ESRRG: variants seen among roughly 807,000 people sequenced by gnomAD.
The protein encoded by ESRRG is estrogen-related receptor gamma.
In ESRRG, 13 loss-of-function variants were observed where a neutral mutation model predicts 44.0. The ratio of observed to expected loss-of-function variants is 0.30; its 90% CI spans 0.19 to 0.47. ESRRG has a LOEUF of 0.47. Among genes scored for constraint, ESRRG ranks in the 20% least tolerant of loss-of-function variants. The probability of loss-of-function intolerance (pLI) is 1.00; values close to 1 mark genes in which losing one functional copy is unlikely to be tolerated. For synonymous variants in ESRRG, 215 were observed against 214.6 expected, an observed-to-expected ratio of 1.00 and a Z score of -0.02; for missense variants, 395 against 580.6, an observed-to-expected ratio of 0.68 and a Z score of 3.29.
intron 1 of ESRRG, among the ~76,000 whole-genome samples, chr1:217,002,210 G>T (rs184539899): frequency 1.3e-5 from 2 of 150,612 alleles, no homozygotes; most frequent in Non-Finnish European, 2.9e-5. Context: ...GCTGAGCCAC[G>T]AGAATCTCTT....
chr1:217,051,209 G>C lies in ESRRG; in HGVS notation c.-106+38298C>G, dbSNP rs12078538. Among the ~76,000 whole-genome samples the C allele has an allele frequency of 1.5e-4, 19 of 126,848 alleles. 4 individuals carry two copies. Among genetic ancestry groups the C allele is most frequent in the East Asian group, 1.2e-3 (4 of 3,348 alleles). The allele number at this position is 126,848 out of a possible 152,430, so 83.2% of individuals were successfully genotyped here. On this transcript the variant is annotated intron_variant, in intron 1 of 7. Transcript: ENST00000359162. ...GAAGGAGTGGATAATGGGGGCGGGG[G>C]GGGGGGGTGCCAGGGGAATTGTAAG...
At chr1:216,516,887 A>C (rs1473343145) in intron 6 of ESRRG, among the ~76,000 whole-genome samples, 2 of 152,154 alleles carry the variant, frequency 1.3e-5, no homozygotes, top group East Asian at 3.9e-4. Context: ...ACAATATCAA[A>C]GAAAATGACT....
intron 2 of ESRRG, among the ~76,000 whole-genome samples, chr1:216,796,745 A>G (rs1267641402): frequency 1.3e-5 from 2 of 151,992 alleles, no homozygotes; most frequent in Non-Finnish European, 2.9e-5. Context: ...TTTTACCACC[A>G]GCCCTCTCCA....
At chr1:217,012,377 A>G (rs963392486) in intron 1 of ESRRG, among the ~76,000 whole-genome samples, 2 of 152,240 alleles carry the variant, frequency 1.3e-5, no homozygotes, top group Admixed American at 1.3e-4. Context: ...CAGGGACCCC[A>G]AACTCTCAAT....
intron 5 of ESRRG, among the ~76,000 whole-genome samples, chr1:216,523,158 C>A (rs987548182): frequency 6.6e-6 from 1 of 152,130 alleles, no homozygotes; most frequent in Non-Finnish European, 1.5e-5. Flanking sequence ...AGCTATAGCC[C>A]ATTCCCTGCA....
chr1:217,059,397 G>T (rs555623102), intron 1 of ESRRG, among the ~76,000 whole-genome samples: 1 of 151,936 alleles, frequency 6.6e-6, no homozygotes, highest in East Asian at 1.9e-4. Context: ...GTACCAACGC[G>T]CATCCCTAGC....
chr1:216,911,312 G>A (rs1176100956), intron 2 of ESRRG, among the ~76,000 whole-genome samples: 1 of 152,100 alleles, frequency 6.6e-6, no homozygotes, highest in Admixed American at 6.6e-5. Context: ...GAACTATCAA[G>A]CCATGAAAAG....
At chr1:217,097,361 G>A (rs1477457418) in intron 1 of ESRRG, among the ~76,000 whole-genome samples, 2 of 152,124 alleles carry the variant, frequency 1.3e-5, no homozygotes, top group African/African-American at 4.8e-5. Flanking sequence ...AGTTCTTGTA[G>A]GGAATAAAGT....
chr1:216,730,319 A>AG (rs1336080128), intron 2 of ESRRG, among the ~76,000 whole-genome samples: 22 of 151,238 alleles, frequency 1.5e-4, no homozygotes, highest in East Asian at 1.2e-3. Flanking sequence ...AAAAAAAAAA[A>AG]AAAGAAAGAA....
intron 2 of ESRRG, among the ~76,000 whole-genome samples, chr1:216,778,820 T>A (rs557044626): frequency 6.6e-6 from 1 of 151,820 alleles, no homozygotes; most frequent in African/African-American, 2.4e-5. Context: ...AAGGAGGAAA[T>A]ACTAAGAAAT....
At chr1:217,084,532 C>T (rs2091962364) in intron 1 of ESRRG, among the ~76,000 whole-genome samples, 1 of 152,114 alleles carries the variant, frequency 6.6e-6, no homozygotes, top group South Asian at 2.1e-4. Context: ...TATCCTATTC[C>T]ATTAGTATCT....
chr1:216,569,650 G>T lies in ESRRG; in HGVS notation c.590-1552C>A, dbSNP rs11572762. ...ATATAAGGACGACTGCTTGGGAGCAGAAGTGAGGAGACACTCTTTTGCAAT... is the reference window on the plus strand; with the variant it reads ...ATATAAGGACGACTGCTTGGGAGCATAAGTGAGGAGACACTCTTTTGCAAT... On this transcript the variant is annotated intron_variant, in intron 3 of 6. Transcript: ENST00000408911. 1.1e-3 allele frequency among the ~76,000 whole-genome samples: 171 copies of T among 152,284 alleles called. 1 individual carries two copies. The East Asian group carries it at 0.027, about 24-fold the overall frequency.
chr1:217,089,530 A>G (rs1462351197), exon 1 of ESRRG: 2 of 152,250 alleles, frequency 1.3e-5, no homozygotes, highest in Non-Finnish European at 2.9e-5. Flanking sequence ...GAACTGCAGC[A>G]GGTTAATCAG....
At chr1:216,794,345 G>A (rs374081749) in intron 2 of ESRRG, among the ~76,000 whole-genome samples, 3 of 152,124 alleles carry the variant, frequency 2.0e-5, no homozygotes, top group African/African-American at 7.2e-5. Flanking sequence ...CGCTTGGGGG[G>A]AATCCGGGAG....
intron 2 of ESRRG, among the ~76,000 whole-genome samples, chr1:216,804,599 G>A (rs910499120): frequency 3.3e-5 from 5 of 151,846 alleles, no homozygotes; most frequent in Non-Finnish European, 5.9e-5. Context: ...TTATTAACTT[G>A]TAGGAGCAAT....
intron 3 of ESRRG, among the ~76,000 whole-genome samples, chr1:216,644,843 C>G (rs1159895610): frequency 1.3e-5 from 2 of 152,120 alleles, no homozygotes; most frequent in Non-Finnish European, 2.9e-5. Flanking sequence ...CTTATTGTTT[C>G]CTCCATAGGA....
At chr1:216,634,074 G>A (rs1415313375) in intron 3 of ESRRG, among the ~76,000 whole-genome samples, 1 of 151,996 alleles carries the variant, frequency 6.6e-6, no homozygotes, top group African/African-American at 2.4e-5. Context: ...AACCACCAAT[G>A]GACAAAGAAA....
At chr1:216,870,618 A>G (rs900482641) in intron 2 of ESRRG, among the ~76,000 whole-genome samples, 6 of 152,130 alleles carry the variant, frequency 3.9e-5, no homozygotes, top group African/African-American at 1.2e-4. Flanking sequence ...AAATACACCA[A>G]TGAAACTACC....
At position 216,721,816 on chromosome 1, in the gene ESRRG, C is replaced by T. The variant is rs79380006; in HGVS notation, c.56+1428G>A. Reference sequence around the variant, plus strand: ...CACTAACCTTCAAACTACACTTGAGCGGGCAGTCTTACCTTTGTTTATTTT... The same window carrying T: ...CACTAACCTTCAAACTACACTTGAGTGGGCAGTCTTACCTTTGTTTATTTT... On this transcript the variant is annotated intron_variant, in intron 1 of 6. Transcript: ENST00000408911. 2.4e-3 allele frequency among the ~76,000 whole-genome samples: 362 copies of T among 152,282 alleles called. 3 individuals are homozygous for T. The highest frequency in any genetic ancestry group is 8.3e-3 in the African/African-American group (346 of 41,552).
Sources: gnomAD v4.1 joint callset for allele counts (sites outside exome capture counted in the v4.1 genomes callset) on GRCh38, gnomAD v4.1.1 for gene constraint, MANE v1.5 for transcripts, NCBI Gene and HGNC (gene_info 2026-07-23, HGNC 2026-07-21) for gene names.